Variants in PSMG2 observed in about 807,000 individuals in gnomAD.
The protein encoded by PSMG2 is proteasome assembly chaperone 2.
PSMG2 carries 21 observed loss-of-function variants against 31.5 expected under a neutral mutation model. The observed-to-expected ratio is 0.67, with a 90% CI of 0.47 to 0.96. The LOEUF is 0.96. PSMG2 is among the 40% of genes least tolerant of loss of function. The pLI, the probability that PSMG2 is intolerant of heterozygous loss-of-function variation, is 0.00. For missense variants in PSMG2, 318 were observed against 321.2 expected, an observed-to-expected ratio of 0.99 and a Z score of 0.08; for synonymous variants, 120 against 110.4, an observed-to-expected ratio of 1.09 and a Z score of -0.54.
intron 2 of PSMG2, among the ~76,000 whole-genome samples, chr18:12,711,979 G>C (rs1241012542): frequency 6.6e-6 from 1 of 151,902 alleles, no homozygotes; most frequent in Non-Finnish European, 1.5e-5. Context: ...GGATGATCTT[G>C]ATCTCCTGAC....
rs1461953586 is a variant in PSMG2, at chr18:12,697,100, C to CT, written c.-36-9449dup. 6 of 684,400 alleles carry CT rather than the reference C, an allele frequency of 8.8e-6. No homozygotes were observed. In the South Asian group the frequency reaches 1.2e-4, roughly 14 times the overall value. The allele number at this position is 684,400 out of a possible 1,614,324, so 42.4% of individuals were successfully genotyped here. A position where few individuals can be genotyped will look rare whatever the true frequency, so the allele number is the denominator to read the frequency against. Reference sequence around the variant, plus strand: ...AGGATGCTGAGGTCCAATTGTAACTCTAACGAAATTCTATTTTACAGGTTT... The same window carrying CT: ...AGGATGCTGAGGTCCAATTGTAACTCTTAACGAAATTCTATTTTACAGGTTT... On this transcript the variant is annotated intron_variant, in intron 1 of 6. Coordinates refer to the PSMG2 transcript ENST00000585331.
Position 12,717,954 on chromosome 18 carries a change from A to AT in PSMG2, c.289-555dup, listed in dbSNP as rs539025519. Among the ~76,000 whole-genome samples the AT allele has an allele frequency of 6.7e-5, 10 of 149,794 alleles. No homozygotes were observed. In the South Asian group the frequency reaches 1.9e-3, roughly 29 times the overall value. On this transcript the variant is annotated intron_variant, in intron 3 of 6. Coordinates refer to ENST00000317615, the MANE Select transcript of PSMG2 (RefSeq NM_020232.5). ...AATTGTCCTTTGTCCATCACAATAGATTTTTTTTGAAATCTAGATTCCTCA... is the reference window on the plus strand; with the variant it reads ...AATTGTCCTTTGTCCATCACAATAGATTTTTTTTTGAAATCTAGATTCCTCA...
intron 3 of PSMG2, among the ~76,000 whole-genome samples, chr18:12,714,659 A>G (rs2040361788): frequency 6.7e-6 from 1 of 149,674 alleles, no homozygotes; most frequent in Admixed American, 6.7e-5. Flanking sequence ...ACACCCGGCT[A>G]ATTTTTGTAT....
chr18:12,725,343 C>T, intron 6 of PSMG2, 96 bp from the exon 7 acceptor site: 1 of 983,290 alleles, frequency 1.0e-6, no homozygotes, highest in Non-Finnish European at 1.5e-6. Flanking sequence ...AAAGTGCCAA[C>T]CAAAAGGAAC....
chr18:12,686,167 T>G (rs2039534023), intron 1 of PSMG2: 1 of 949,824 alleles, frequency 1.1e-6, no homozygotes, highest in African/African-American at 1.7e-5. Context: ...GTTGACTATA[T>G]GTGCATTTTT....
At chr18:12,720,285 C>T (rs886659945) in intron 4 of PSMG2, among the ~76,000 whole-genome samples, 16 of 152,180 alleles carry the variant, frequency 1.1e-4, no homozygotes, top group Middle Eastern at 3.2e-3. Context: ...GGGAGGAAAG[C>T]TGTGGGAAAT....
chr18:12,673,270 T>A (rs531171236), intron 1 of PSMG2: 1 of 1,480,910 alleles, frequency 6.8e-7, no homozygotes, highest in Non-Finnish European at 8.9e-7. Flanking sequence ...AGCCAGATTG[T>A]GATTTTAAAA....
At chr18:12,673,472 G>A (rs1228470079) in intron 1 of PSMG2, 13 of 1,584,098 alleles carry the variant, frequency 8.2e-6, no homozygotes, top group East Asian at 2.3e-5. Flanking sequence ...TGGTCTCCAC[G>A]GCAACAGATT....
At position 12,720,532 on chromosome 18, in the gene PSMG2, AC is replaced by A; in HGVS notation, c.431del (p.Thr144AsnfsTer12). ...TAGTACTCCCTTCCGGTACCTACTT[AC>A]ACCTTCCATGCAAAAAAGTGTTCAA... is the stretch of plus-strand genomic sequence containing the variant. ...LRSTPFRYLL[T>X]PSMQKSVQNK... On this transcript the variant is annotated frameshift_variant, in exon 5 of 7. Transcript: ENST00000317615. LOFTEE classifies it high-confidence loss of function. 6.2e-7 allele frequency: 1 copy of A among 1,609,890 alleles called. No homozygotes were observed.
chr18:12,673,226 G>C (rs2038991611), intron 1 of PSMG2: 1 of 1,402,158 alleles, frequency 7.1e-7, no homozygotes, highest in African/African-American at 1.5e-5. Context: ...AACATTACCA[G>C]TCAAGTATAT....
intron 1 of PSMG2, chr18:12,661,201 G>T: frequency 6.1e-6 from 1 of 164,062 alleles, no homozygotes; most frequent in Non-Finnish European, 1.3e-5. Context: ...CCAGCTACTC[G>T]GGAGGCTGAG....
intron 1 of PSMG2, among the ~76,000 whole-genome samples, chr18:12,682,297 C>T (rs1309991515): frequency 6.6e-6 from 1 of 151,962 alleles, no homozygotes; most frequent in Non-Finnish European, 1.5e-5. Context: ...TCAAGTGATT[C>T]CCCCGCCTCA....
At chr18:12,676,154 G>A (rs751219424) in intron 1 of PSMG2, among the ~76,000 whole-genome samples, 2 of 151,878 alleles carry the variant, frequency 1.3e-5, no homozygotes. Context: ...AAAGATCCAC[G>A]ATTAACAATG....
intron 1 of PSMG2, among the ~76,000 whole-genome samples, chr18:12,665,298 G>A (rs1048072272): frequency 1.3e-5 from 2 of 152,106 alleles, no homozygotes; most frequent in African/African-American, 2.4e-5. Flanking sequence ...GTGGTGGTAT[G>A]TGCCTGTGGT....
At chr18:12,721,936 C>T (rs867804543) in intron 5 of PSMG2, among the ~76,000 whole-genome samples, 1 of 152,012 alleles carries the variant, frequency 6.6e-6, no homozygotes, top group African/African-American at 2.4e-5. Context: ...TTCATTTTCA[C>T]TCATCTCAGT....
upstream of PSMG2, among the ~76,000 whole-genome samples, chr18:12,698,402 C>T (rs2040036806): frequency 6.6e-6 from 1 of 152,070 alleles, no homozygotes; most frequent in African/African-American, 2.4e-5. Flanking sequence ...CTCCTGACCT[C>T]AGGTGACCCA....
chr18:12,712,612 G>A, intron 2 of PSMG2, 90 bp from the exon 3 acceptor site: 1 of 891,994 alleles, frequency 1.1e-6, no homozygotes. Context: ...AAATGCAAAA[G>A]GTATTATAAT....
At chr18:12,678,408 G>T (rs771036468) in intron 1 of PSMG2, 1 of 1,613,608 alleles carries the variant, frequency 6.2e-7, no homozygotes, top group Admixed American at 1.7e-5. Flanking sequence ...TCAGCAACTG[G>T]AGGTTCATCA....
chr18:12,689,437 A>G (rs1428023779), intron 1 of PSMG2, among the ~76,000 whole-genome samples: 1 of 152,188 alleles, frequency 6.6e-6, no homozygotes, highest in African/African-American at 2.4e-5. Context: ...CCTTGAAAAG[A>G]CTGTTCACTT....
Sources: allele counts gnomAD v4.1 joint callset (sites outside exome capture counted in the v4.1 genomes callset), GRCh38; gene constraint gnomAD v4.1.1; transcripts MANE v1.5; gene names NCBI Gene and HGNC (gene_info 2026-07-23, HGNC 2026-07-21).